The following CRYBB2 variants were observed in gnomAD, a reference collection of about 807,000 sequenced individuals.
CRYBB2 encodes the protein crystallin beta B2.
CRYBB2 carries 12 observed loss-of-function variants against 24.3 expected under a neutral mutation model. That is an observed-to-expected ratio of 0.49 (90% CI 0.32 to 0.80). The LOEUF (loss-of-function observed/expected upper bound fraction) is 0.80. CRYBB2 is among the 30% of genes least tolerant of loss of function. The pLI, the probability that CRYBB2 is intolerant of heterozygous loss-of-function variation, is 0.04. For missense variants in CRYBB2, 198 were observed against 268.5 expected (o/e 0.74, Z 1.83); for synonymous variants, 98 against 101.6 (o/e 0.96, Z 0.21).
chr22:25,212,083 A>G (rs555184258), upstream of CRYBB2, among the ~76,000 whole-genome samples: 2 of 152,358 alleles, frequency 1.3e-5, no homozygotes, highest in South Asian at 4.1e-4. Context: ...GCTTAGAACA[A>G]TGAGTAAAAC....
chr22:25,222,593 G>A (rs1277486190), intron 2 of CRYBB2, among the ~76,000 whole-genome samples: 2 of 152,104 alleles, frequency 1.3e-5, no homozygotes, highest in African/African-American at 2.4e-5. Context: ...TGAAAAATGG[G>A]GGTCAGGGTT....
upstream of CRYBB2, among the ~76,000 whole-genome samples, chr22:25,215,589 G>A (rs1472722149): frequency 6.6e-6 from 1 of 152,100 alleles, no homozygotes; most frequent in African/African-American, 2.4e-5. Context: ...CTCCCTGACC[G>A]AGCTGGTCTT....
chr22:25,217,436 G>A (rs1222115431), upstream of CRYBB2, among the ~76,000 whole-genome samples: 1 of 152,186 alleles, frequency 6.6e-6, no homozygotes, highest in Non-Finnish European at 1.5e-5. Flanking sequence ...TCCTGCCTCA[G>A]CCTCCCGAGT....
chr22:25,228,713 C>T (rs1199705574), intron 4 of CRYBB2, among the ~76,000 whole-genome samples: 7 of 152,374 alleles, frequency 4.6e-5, no homozygotes, highest in East Asian at 1.9e-4. Context: ...GTCATTTGAC[C>T]TCTCTGTGCC....
chr22:25,228,180 T>C lies in CRYBB2; in HGVS notation c.306+195T>C, dbSNP rs528218817. 5.5e-4 allele frequency among the ~76,000 whole-genome samples: 82 copies of C among 150,282 alleles called. 1 individual carries two copies. Among genetic ancestry groups the C allele is most frequent in the African/African-American group, 2.0e-3 (81 of 40,768 alleles). On this transcript the variant is annotated intron_variant, in intron 4 of 5. Coordinates refer to ENST00000398215, the MANE Select transcript of CRYBB2 (RefSeq NM_000496.3). ...TTTTACTTCCCTGAGCCTCAGTTTCTTCATCTGTAAAATGGGCATATTGGT... is the reference window on the plus strand; with the variant it reads ...TTTTACTTCCCTGAGCCTCAGTTTCCTCATCTGTAAAATGGGCATATTGGT...
chr22:25,226,208 A>G (rs1264462362), intron 3 of CRYBB2, among the ~76,000 whole-genome samples: 1 of 141,402 alleles, frequency 7.1e-6, no homozygotes, highest in Non-Finnish European at 1.6e-5. Flanking sequence ...GTGTGTGTGT[A>G]TAATCAAATC....
intron 1 of CRYBB2, among the ~76,000 whole-genome samples, chr22:25,214,073 CCAT>C (rs1601413092): frequency 1.3e-5 from 2 of 152,208 alleles, no homozygotes; most frequent in East Asian, 3.9e-4. Context: ...GTGCAGTGGC[CCAT>C]GACTGAAACT....
intron 4 of CRYBB2, 136 bp from the exon 5 acceptor site, chr22:25,229,300 A>G: frequency 7.0e-7 from 1 of 1,434,150 alleles, no homozygotes; most frequent in Non-Finnish European, 9.6e-7. Context: ...GTGGTCATAG[A>G]CACGTAGTGG....
rs3064285 is a variant in CRYBB2, at chr22:25,226,168, CTGTGTGTGTGTGTGTG to C, written c.173+1156_173+1171del. On this transcript the variant is annotated intron_variant, in intron 3 of 5. Transcript: ENST00000398215. ...GATTTTGGTATGAATTTGGATTTCT[CTGTGTGTGTGTGTGTG>C]TGTGTGTGTGTGTGTGTGTGTGTAT... is the stretch of plus-strand genomic sequence containing the variant. Among the ~76,000 whole-genome samples the C allele has an allele frequency of 3.5e-3, 523 of 149,156 alleles. 7 individuals carry two copies. The East Asian group carries it at 0.05, about 14-fold the overall frequency.
intron 4 of CRYBB2, among the ~76,000 whole-genome samples, chr22:25,229,073 G>C (rs8135945): frequency 6.7e-6 from 1 of 150,152 alleles, no homozygotes; most frequent in African/African-American, 2.5e-5. Flanking sequence ...GCATGTGTGC[G>C]TGTGCACACA....
At position 25,231,536 on chromosome 22, in the gene CRYBB2, G is replaced by A. The variant is rs9624754; in HGVS notation, c.450-68G>A. 103,083 of 1,454,676 alleles carry A rather than the reference G, an allele frequency of 0.071. 3,954 individuals carry two copies. The highest frequency in any genetic ancestry group is 0.082 in the South Asian group (7,210 of 87,718). The allele number at this position is 1,454,676 out of a possible 1,614,324, so 90.1% of individuals were successfully genotyped here. The stretch of plus-strand genomic sequence containing the variant: ...ATGGATGCTCTATCTCTCTCCCCTC[G>A]CCTCTCTCTCTGTCTGCTTCTCTTC... On this transcript the variant is annotated intron_variant, in intron 5 of 5. Transcript: ENST00000398215.
chr22:25,218,834 G>GAAAGAA (rs1308842867), upstream of CRYBB2, among the ~76,000 whole-genome samples: 1 of 110,696 alleles, frequency 9.0e-6, no homozygotes, highest in Non-Finnish European at 1.8e-5. Flanking sequence ...AAGAAAGAAA[G>GAAAGAA]AAAGAGAAAG....
chr22:25,218,775 G>A (rs868455207), upstream of CRYBB2, among the ~76,000 whole-genome samples: 6,324 of 21,622 alleles, frequency 0.29, 873 homozygotes, highest in African/African-American at 0.48. Context: ...GAGAGAGAGA[G>A]AGAGAAGAAA....
chr22:25,215,229 G>A (rs1031988397), upstream of CRYBB2, among the ~76,000 whole-genome samples: 1 of 152,188 alleles, frequency 6.6e-6, no homozygotes, highest in Admixed American at 6.5e-5. Flanking sequence ...CCAGAATGAG[G>A]GCAAGGAACA....
Position 25,231,658 on chromosome 22 carries a change from G to A in CRYBB2, c.504G>A (p.Lys168=). ...GYRGLQYLLE[K]GDYKDSSDFG... ...GTGGGCTGCAGTACCTGCTGGAGAA[G>A]GGAGACTACAAGGACAGCAGCGACT... Residue 168 remains lysine (K), a synonymous_variant, in exon 6 of 6, where the codon AAG becomes AAA. Coordinates refer to ENST00000398215, the MANE Select transcript of CRYBB2 (RefSeq NM_000496.3). 6.2e-7 allele frequency: 1 copy of A among 1,614,178 alleles called. No individual in the cohort carries two copies.
upstream of CRYBB2, among the ~76,000 whole-genome samples, chr22:25,218,496 A>C (rs1935218136): frequency 6.6e-6 from 1 of 151,278 alleles, no homozygotes. Flanking sequence ...GTCTCTAACA[A>C]GATACAGCAA....
intron 1 of CRYBB2, among the ~76,000 whole-genome samples, chr22:25,214,298 A>G (rs897582164): frequency 6.6e-6 from 1 of 152,216 alleles, no homozygotes; most frequent in African/African-American, 2.4e-5. Context: ...TGATAGCACC[A>G]CCATGCTCCA....
intron 1 of CRYBB2, among the ~76,000 whole-genome samples, chr22:25,220,937 G>C (rs1018041865): frequency 6.6e-6 from 1 of 152,166 alleles, no homozygotes; most frequent in African/African-American, 2.4e-5. Context: ...GTGGGAGAAG[G>C]AGCAGGGGAA....
upstream of CRYBB2, among the ~76,000 whole-genome samples, chr22:25,218,164 G>T (rs567486722): frequency 6.6e-6 from 1 of 151,976 alleles, no homozygotes; most frequent in South Asian, 2.1e-4. Context: ...GAGGCTGAAG[G>T]AGGAGAATGG....
Sources: gnomAD v4.1 joint callset for allele counts (sites outside exome capture counted in the v4.1 genomes callset) on GRCh38, gnomAD v4.1.1 for gene constraint, MANE v1.5 for transcripts, NCBI Gene and HGNC (gene_info 2026-07-23, HGNC 2026-07-21) for gene names.